Variants in ACTN2 observed in about 807,000 individuals in gnomAD.
ACTN2 encodes the protein actinin alpha 2, also known as alpha-actinin-2.
Under a neutral mutation model 113.8 loss-of-function variants are expected in ACTN2, and 39 were observed. That is an observed-to-expected ratio of 0.34 (90% CI 0.27 to 0.45). The LOEUF is 0.45. ACTN2 is among the 20% of genes least tolerant of loss of function. The pLI is 1.00. For synonymous variants in ACTN2, 429 were observed against 444.1 expected, an observed-to-expected ratio of 0.97 and a Z score of 0.43; for missense variants, 992 against 1,177.9, an observed-to-expected ratio of 0.84 and a Z score of 2.31.
chr1:236,761,568 A>G (rs1659711038), intron 20 of ACTN2, among the ~76,000 whole-genome samples: 1 of 152,174 alleles, frequency 6.6e-6, no homozygotes, highest in Non-Finnish European at 1.5e-5. Flanking sequence ...CCTTCTCCTA[A>G]GGATCAATGA....
intron 15 of ACTN2, among the ~76,000 whole-genome samples, chr1:236,752,884 C>T (rs1164367045): frequency 6.6e-6 from 1 of 152,112 alleles, no homozygotes; most frequent in Non-Finnish European, 1.5e-5. Flanking sequence ...GTGAGACAAA[C>T]TTTTCTCCCA....
intron 6 of ACTN2, among the ~76,000 whole-genome samples, chr1:236,730,466 A>G (rs1658683356): frequency 6.6e-6 from 1 of 152,202 alleles, no homozygotes; most frequent in East Asian, 1.9e-4. Context: ...AAAATTCGTT[A>G]AAGTCACATT....
chr1:236,728,755 G>A (rs1393735172), intron 6 of ACTN2, among the ~76,000 whole-genome samples: 1 of 152,066 alleles, frequency 6.6e-6, no homozygotes, highest in African/African-American at 2.4e-5. Context: ...AAGGCCGGAT[G>A]TGGTGGCTCA....
At chr1:236,693,565 A>T (rs1228947982) in intron 1 of ACTN2, among the ~76,000 whole-genome samples, 1 of 152,068 alleles carries the variant, frequency 6.6e-6, no homozygotes, top group Non-Finnish European at 1.5e-5. Flanking sequence ...CCAAGCCAGA[A>T]ACCCGAGTGT....
intron 6 of ACTN2, among the ~76,000 whole-genome samples, chr1:236,730,668 T>C (rs1387454944): frequency 6.6e-6 from 1 of 152,212 alleles, no homozygotes; most frequent in Non-Finnish European, 1.5e-5. Flanking sequence ...GTAAATGTAA[T>C]TTTAAGAACA....
chr1:236,689,982 T>C (rs1483182485), intron 1 of ACTN2, among the ~76,000 whole-genome samples: 6 of 152,250 alleles, frequency 3.9e-5, no homozygotes, highest in East Asian at 3.8e-4. Flanking sequence ...ACACGAAATA[T>C]GTGTCGATAC....
intron 13 of ACTN2, 61 bp downstream of exon 13, chr1:236,747,836 C>T (rs778545726): frequency 1.6e-6 from 2 of 1,247,580 alleles, no homozygotes; most frequent in Non-Finnish European, 2.3e-6. Flanking sequence ...TTAATTAAAT[C>T]ACTGGTATTC....
intron 1 of ACTN2, among the ~76,000 whole-genome samples, chr1:236,689,144 A>G (rs1022993991): frequency 2.6e-5 from 4 of 152,098 alleles, no homozygotes; most frequent in Admixed American, 6.6e-5. Flanking sequence ...AGGCGTTTCA[A>G]CGTGTCTACC....
chr1:236,708,958 AG>A (rs1657916196), intron 1 of ACTN2, among the ~76,000 whole-genome samples: 1 of 152,242 alleles, frequency 6.6e-6, no homozygotes, highest in Admixed American at 6.5e-5. Flanking sequence ...ATATTTAGAA[AG>A]AACCAGGAAA....
intron 1 of ACTN2, among the ~76,000 whole-genome samples, chr1:236,695,173 C>G (rs972611480): frequency 1.3e-5 from 2 of 150,480 alleles, no homozygotes; most frequent in African/African-American, 4.9e-5. Flanking sequence ...TTGAGACCAG[C>G]CTGGCCAACA....
intron 1 of ACTN2, among the ~76,000 whole-genome samples, chr1:236,713,730 G>C (rs1558229984): frequency 1.3e-3 from 1 of 772 alleles, no homozygotes; most frequent in Non-Finnish European, 3.9e-3. Flanking sequence ...ATTCCTCACT[G>C]TGTGTTTATG....
At chr1:236,687,196 A>G (rs529747669) in intron 1 of ACTN2, among the ~76,000 whole-genome samples, 16 of 152,150 alleles carry the variant, frequency 1.1e-4, no homozygotes, top group Non-Finnish European at 1.9e-4. Flanking sequence ...GAAAGAAGCA[A>G]AAGAACATCA....
Position 236,720,186 on chromosome 1 carries a change from T to C in ACTN2, c.443T>C (p.Val148Ala). ...ILRFAIQDIS[V>A]EETSAKEGLL... ...CGCTTTGCTATTCAGGATATTTCGG[T>C]TGAAGGTAAAAGACATGGTTAAAAG... is the stretch of plus-strand genomic sequence containing the variant. The change falls in exon 4 of 21, where the codon GTT becomes GCT. Residue 148 changes from valine to alanine, a missense_variant. Transcript: ENST00000366578. The C allele has an allele frequency of 6.2e-7, 1 of 1,612,334 alleles. No homozygotes were observed. Among genetic ancestry groups the C allele is most frequent in the South Asian group, 1.1e-5 (1 of 91,036 alleles).
intron 7 of ACTN2, chr1:236,734,359 C>G (rs1400907704): frequency 1.9e-6 from 2 of 1,062,354 alleles, no homozygotes; most frequent in Admixed American, 2.3e-5. Flanking sequence ...ATTCCAACAC[C>G]TCTGAGGAAG....
At chr1:236,693,869 G>C (rs749963455) in intron 1 of ACTN2, among the ~76,000 whole-genome samples, 2 of 152,186 alleles carry the variant, frequency 1.3e-5, no homozygotes, top group Non-Finnish European at 2.9e-5. Context: ...CTTCAGGAGA[G>C]AGTTCAAGCC....
At chr1:236,736,268 AC>A (rs1658872858) in intron 8 of ACTN2, among the ~76,000 whole-genome samples, 1 of 152,166 alleles carries the variant, frequency 6.6e-6, no homozygotes, top group South Asian at 2.1e-4. Context: ...CTGCATATTC[AC>A]CTGTTTCTGT....
intron 10 of ACTN2, among the ~76,000 whole-genome samples, chr1:236,740,793 A>G (rs1659045705): frequency 6.6e-6 from 1 of 152,098 alleles, no homozygotes; most frequent in Non-Finnish European, 1.5e-5. Context: ...GGCCTCCCAA[A>G]GTGCTGGGAT....
intron 2 of ACTN2, among the ~76,000 whole-genome samples, chr1:236,718,484 G>A (rs1366989): frequency 0.16 from 23,930 of 152,206 alleles, 2,050 homozygotes; most frequent in Middle Eastern, 0.24. Flanking sequence ...TGATCCATCT[G>A]TCTTCATAAT....
chr1:236,762,378 T>G, intron 20 of ACTN2, 83 bp from the exon 21 acceptor site: 2 of 1,564,186 alleles, frequency 1.3e-6, no homozygotes, highest in Non-Finnish European at 1.8e-6. Context: ...ATTAAACAGA[T>G]GCAAGAAATA....
Sources: gnomAD v4.1 joint callset for allele counts (sites outside exome capture counted in the v4.1 genomes callset) on GRCh38, gnomAD v4.1.1 for gene constraint, MANE v1.5 for transcripts, NCBI Gene and HGNC (gene_info 2026-07-23, HGNC 2026-07-21) for gene names.